Variants in ZNF738 observed in about 807,000 individuals in gnomAD.
ZNF738 encodes the protein protein ZNF738.
In ZNF738, 10 loss-of-function variants were observed where a neutral mutation model predicts 9.2. That is an observed-to-expected ratio of 1.09 (90% CI 0.67 to 1.85). The LOEUF (loss-of-function observed/expected upper bound fraction) is 1.85. Among genes scored for constraint, ZNF738 ranks in the 40% most tolerant of loss-of-function variants. The pLI, the probability that ZNF738 is intolerant of heterozygous loss-of-function variation, is 0.00. For synonymous variants in ZNF738, 113 were observed against 94.5 expected, an observed-to-expected ratio of 1.20 and a Z score of -1.14; for missense variants, 346 against 283.6, an observed-to-expected ratio of 1.22 and a Z score of -1.58.
intron 1 of ZNF738, among the ~76,000 whole-genome samples, chr19:21,359,605 G>C (rs1973655259): frequency 6.6e-6 from 1 of 152,158 alleles, no homozygotes; most frequent in African/African-American, 2.4e-5. Context: ...TAGGCTGGGC[G>C]CGGTGGCTCA....
intron 2 of ZNF738, among the ~76,000 whole-genome samples, chr19:21,365,855 G>T (rs1263455801): frequency 6.6e-6 from 1 of 151,876 alleles, no homozygotes; most frequent in African/African-American, 2.4e-5. Flanking sequence ...TACTCAGGAG[G>T]CTGAGGCAGG....
In ZNF738 at chr19:21,385,547, A is replaced by C. The variant is rs1400390747; in HGVS notation, c.*1873A>C. On this transcript the variant is annotated 3_prime_UTR_variant, in exon 5 of 5. Coordinates refer to ENST00000683779, the MANE Select transcript of ZNF738 (RefSeq NM_001355237.2). Reference sequence around the variant, plus strand: ...GAAGAATGTGAGAAAGCTCTTAACCAGTCCTCACACCTTACTGCACATAAG... The same window carrying C: ...GAAGAATGTGAGAAAGCTCTTAACCCGTCCTCACACCTTACTGCACATAAG... 6.6e-6 allele frequency among the ~76,000 whole-genome samples: 1 copy of C among 152,174 alleles called. No individual in the cohort carries two copies. Among genetic ancestry groups the C allele is most frequent in the African/African-American group, 2.4e-5 (1 of 41,450 alleles).
chr19:21,362,612 A>C lies in ZNF738; in HGVS notation c.96+754A>C, dbSNP rs201789163. Among the ~76,000 whole-genome samples, 24 of 152,224 alleles carry C rather than the reference A, an allele frequency of 1.6e-4. No homozygotes were observed. The East Asian group carries it at 4.6e-3, about 29-fold the overall frequency. On this transcript the variant is annotated intron_variant, in intron 2 of 4. Transcript: ENST00000683779. ...TGAAGAGATTTGTTCACTTATTTTCACCTGTTTTTTAGCTGTAAGGTTACA... is the reference window on the plus strand; with the variant it reads ...TGAAGAGATTTGTTCACTTATTTTCCCCTGTTTTTTAGCTGTAAGGTTACA...
In ZNF738 at chr19:21,384,370, C is replaced by T. The variant is rs1301795160; in HGVS notation, c.*696C>T. Among the ~76,000 whole-genome samples the T allele has an allele frequency of 1.3e-5, 2 of 152,086 alleles. No individual in the cohort carries two copies. Among genetic ancestry groups the T allele is most frequent in the Non-Finnish European group, 2.9e-5 (2 of 68,024 alleles). ...TGTGGCAAAGCCTTTAATGTATTCT[C>T]AACCCTTACTAAACATAAGAGAATT... On this transcript the variant is annotated 3_prime_UTR_variant, in exon 5 of 5. Transcript: ENST00000683779.
chr19:21,372,266 A>G (rs2434998), intron 2 of ZNF738: 5,588 of 152,184 alleles, frequency 0.037, 343 homozygotes, highest in African/African-American at 0.12. Context: ...TCTTAGGTAA[A>G]CTTAGGAAAA....
intron 2 of ZNF738, among the ~76,000 whole-genome samples, chr19:21,373,673 T>A (rs1320346720): frequency 2.6e-5 from 4 of 152,138 alleles, no homozygotes; most frequent in African/African-American, 4.8e-5. Flanking sequence ...GGTAAACAGG[T>A]GGTGCTGACG....
Position 21,381,650 on chromosome 19 carries a change from T to C in ZNF738, c.320-1216T>C, listed in dbSNP as rs1974006130. Reference sequence around the variant, plus strand: ...CTGGGACTACAGGCACCTGCCACCATGCCTGGCTGATTTTTTGTATTTTTA... The same window carrying C: ...CTGGGACTACAGGCACCTGCCACCACGCCTGGCTGATTTTTTGTATTTTTA... On this transcript the variant is annotated intron_variant, in intron 4 of 4. Coordinates refer to ENST00000683779, the MANE Select transcript of ZNF738 (RefSeq NM_001355237.2). 1.2e-4 allele frequency: 54 copies of C among 451,550 alleles called. No homozygotes were observed. In the South Asian group the frequency reaches 1.5e-3, roughly 12 times the overall value. 28.0% of individuals were successfully genotyped at this position (451,550 alleles called of 1,614,324 possible).
At chr19:21,380,104 T>C (rs1973986120) in intron 4 of ZNF738, among the ~76,000 whole-genome samples, 1 of 152,202 alleles carries the variant, frequency 6.6e-6, no homozygotes, top group Non-Finnish European at 1.5e-5. Flanking sequence ...ACACTGGGAA[T>C]TTTAAGAAAA....
intron 1 of ZNF738, among the ~76,000 whole-genome samples, chr19:21,359,744 G>C (rs1015195732): frequency 6.6e-6 from 1 of 151,948 alleles, no homozygotes; most frequent in African/African-American, 2.4e-5. Context: ...GGGCGTGGTG[G>C]CGGGCGCCTG....
intron 1 of ZNF738, among the ~76,000 whole-genome samples, chr19:21,361,368 G>C (rs369031451): frequency 6.6e-6 from 1 of 151,862 alleles, no homozygotes. Flanking sequence ...TCGAACTCCC[G>C]ACCTCAGGTG....
In ZNF738 at chr19:21,384,583, A is replaced by G. The variant is rs1389555430; in HGVS notation, c.*909A>G. Among the ~76,000 whole-genome samples, 1 of 152,228 alleles carries G rather than the reference A, an allele frequency of 6.6e-6. No individual in the cohort carries two copies. Among genetic ancestry groups the G allele is most frequent in the Non-Finnish European group, 1.5e-5 (1 of 68,038 alleles). ...ATAATTCATACTGGAGAGAAACCCT[A>G]CAAATGTGAAGAATGTGGCAAAGCT... is the stretch of plus-strand genomic sequence containing the variant. On this transcript the variant is annotated 3_prime_UTR_variant, in exon 5 of 5. Transcript: ENST00000683779.
At chr19:21,362,149 A>G (rs558850551) in intron 2 of ZNF738, among the ~76,000 whole-genome samples, 1 of 151,776 alleles carries the variant, frequency 6.6e-6, no homozygotes, top group Admixed American at 6.6e-5. Flanking sequence ...ATTGTCTTCT[A>G]CCAACCCTGC....
At chr19:21,375,493 C>A in intron 3 of ZNF738, 129 bp downstream of exon 3, 2 of 520,804 alleles carry the variant, frequency 3.8e-6, no homozygotes, top group Non-Finnish European at 6.9e-6. Context: ...CAAAAAATTG[C>A]GAGGAATTAT....
chr19:21,363,972 A>G (rs1054605959), intron 2 of ZNF738, among the ~76,000 whole-genome samples: 6 of 150,802 alleles, frequency 4.0e-5, no homozygotes, highest in African/African-American at 7.3e-5. Context: ...TGAGGCGGGC[A>G]TACCACCTGA....
chr19:21,365,973 A>G (rs1262217619), intron 2 of ZNF738, among the ~76,000 whole-genome samples: 2 of 152,160 alleles, frequency 1.3e-5, no homozygotes, highest in African/African-American at 4.8e-5. Flanking sequence ...AAAAAAGAAT[A>G]GGAAACATCC....
intron 1 of ZNF738, among the ~76,000 whole-genome samples, chr19:21,360,240 C>A (rs1335248838): frequency 6.7e-6 from 1 of 150,248 alleles, no homozygotes; most frequent in Non-Finnish European, 1.5e-5. Context: ...TAATTGCCTG[C>A]CACTTAATTA....
chr19:21,377,769 C>G (rs1196875351), intron 4 of ZNF738: 2 of 357,504 alleles, frequency 5.6e-6, no homozygotes, highest in Non-Finnish European at 9.9e-6. Context: ...TGTCAGCTGA[C>G]CCTTGTAGAA....
chr19:21,373,433 C>G (rs1973881903), intron 2 of ZNF738, among the ~76,000 whole-genome samples: 1 of 152,106 alleles, frequency 6.6e-6, no homozygotes, highest in South Asian at 2.1e-4. Context: ...AGGGACCGTT[C>G]TGTTTGGTTT....
At chr19:21,360,335 C>G (rs926512397) in intron 1 of ZNF738, 2 of 152,246 alleles carry the variant, frequency 1.3e-5, no homozygotes, top group Non-Finnish European at 2.9e-5. Flanking sequence ...CCCCATCCCT[C>G]ATTACTCCAA....
Sources: gnomAD v4.1 joint callset for allele counts (sites outside exome capture counted in the v4.1 genomes callset) on GRCh38, gnomAD v4.1.1 for gene constraint, MANE v1.5 for transcripts, NCBI Gene and HGNC (gene_info 2026-07-23, HGNC 2026-07-21) for gene names.